The following ZZEF1 variants were observed in gnomAD, a reference collection of about 807,000 sequenced individuals.
ZZEF1 encodes the protein zinc finger ZZ-type and EF-hand domain containing 1.
A neutral mutation model predicts 342.8 loss-of-function variants in ZZEF1; 157 were observed. The observed-to-expected ratio is 0.46, with a 90% CI of 0.40 to 0.52. ZZEF1 has a LOEUF of 0.52. Among genes scored for constraint, ZZEF1 ranks in the 20% least tolerant of loss-of-function variants. The pLI is 0.00. For missense variants in ZZEF1, 3,480 were observed against 3,725.6 expected, an observed-to-expected ratio of 0.93 and a Z score of 1.72; for synonymous variants, 1,505 against 1,429.1, an observed-to-expected ratio of 1.05 and a Z score of -1.20.
chr17:4,092,746 A>G (rs1038750805), intron 11 of ZZEF1, among the ~76,000 whole-genome samples: 18 of 152,140 alleles, frequency 1.2e-4, no homozygotes, highest in African/African-American at 4.3e-4. Flanking sequence ...AGATTTTTTA[A>G]TCTACTCTTT....
intron 1 of ZZEF1, among the ~76,000 whole-genome samples, chr17:4,135,380 G>C (rs1409981515): frequency 6.6e-6 from 1 of 152,082 alleles, no homozygotes; most frequent in African/African-American, 2.4e-5. Flanking sequence ...GGAGGCTGAG[G>C]CAGGAGAATT....
intron 1 of ZZEF1, among the ~76,000 whole-genome samples, chr17:4,125,485 G>C (rs1436469201): frequency 6.6e-6 from 1 of 152,188 alleles, no homozygotes; most frequent in Non-Finnish European, 1.5e-5. Flanking sequence ...GGGCATAAAT[G>C]CAGTAATGGG....
intron 11 of ZZEF1, among the ~76,000 whole-genome samples, chr17:4,092,293 A>G (rs2057960011): frequency 8.1e-6 from 1 of 123,734 alleles, no homozygotes; most frequent in Non-Finnish European, 1.6e-5. Context: ...GAGAGAAAAC[A>G]TGTCCCTTTT....
intron 1 of ZZEF1, among the ~76,000 whole-genome samples, chr17:4,133,383 T>C (rs574246157): frequency 1.3e-5 from 2 of 152,354 alleles, no homozygotes; most frequent in South Asian, 4.1e-4. Context: ...TCAGGGTTCA[T>C]GTTCTTCACC....
At position 4,026,523 on chromosome 17, in the gene ZZEF1, C is replaced by CT. The variant is rs1237651408; in HGVS notation, c.6893-1406dup. Among the ~76,000 whole-genome samples, 125 of 140,148 alleles carry CT rather than the reference C, an allele frequency of 8.9e-4. 1 individual carries two copies. Among genetic ancestry groups the CT allele is most frequent in the South Asian group, 2.0e-3 (9 of 4,402 alleles). The allele number at this position is 140,148 out of a possible 152,430, so 91.9% of individuals were successfully genotyped here. Reference sequence around the variant, plus strand: ...CAATAGACAAACATCTTTTTTTTTTCTTTTTTTTTTTTTTGAGACGGAGTT... The same window carrying CT: ...CAATAGACAAACATCTTTTTTTTTTCTTTTTTTTTTTTTTTGAGACGGAGTT... On this transcript the variant is annotated intron_variant, in intron 42 of 54. Coordinates refer to ENST00000381638, the MANE Select transcript of ZZEF1 (RefSeq NM_015113.4).
intron 6 of ZZEF1, among the ~76,000 whole-genome samples, chr17:4,107,066 C>A (rs117150899): frequency 1.3e-5 from 2 of 152,164 alleles, no homozygotes; most frequent in Non-Finnish European, 2.9e-5. Context: ...AAGTAGCATG[C>A]GATCATTTAC....
At chr17:4,105,107 T>C in intron 7 of ZZEF1, among the ~76,000 whole-genome samples, 1 of 152,250 alleles carries the variant, frequency 6.6e-6, no homozygotes. Context: ...ATGAGCTGGC[T>C]TGACCAGAGA....
At chr17:4,126,488 GA>G (rs2058575603) in intron 1 of ZZEF1, among the ~76,000 whole-genome samples, 1 of 152,192 alleles carries the variant, frequency 6.6e-6, no homozygotes, top group African/African-American at 2.4e-5. Context: ...TGGAAGCTTG[GA>G]AACAGATGGA....
rs748403781 is a variant in ZZEF1, at chr17:4,014,180, G to C, written c.8323C>G (p.Leu2775Val). 3 of 1,614,036 alleles carry C rather than the reference G, an allele frequency of 1.9e-6. No individual in the cohort carries two copies. The South Asian group carries it at 3.3e-5, about 18-fold the overall frequency. Residue 2775 changes from leucine (L) to valine (V), a missense_variant, in exon 51 of 55, where the codon CTG becomes GTG. By Grantham distance (32) the Leu-to-Val change is conservative. Transcript: ENST00000381638. The surrounding 1 kb of genome is among the most constrained non-coding windows in gnomAD (Gnocchi z 4.4). ...ATGTCGGAGGTGAAGCGGTAATACA[G>C]AGTGTCTCCTAGGCACACAAGGATC... ...WKDFELPGDTLYYRFTSDMSN... is the reference protein window; with the variant it reads ...WKDFELPGDTVYYRFTSDMSN...
chr17:4,083,469 T>C (rs1368184256), intron 16 of ZZEF1, among the ~76,000 whole-genome samples: 1 of 152,144 alleles, frequency 6.6e-6, no homozygotes, highest in Admixed American at 6.5e-5. Context: ...ATAGCTGGAA[T>C]TACACAAACA....
intron 9 of ZZEF1, among the ~76,000 whole-genome samples, chr17:4,096,997 C>T (rs1276101696): frequency 6.6e-6 from 1 of 152,078 alleles, no homozygotes; most frequent in African/African-American, 2.4e-5. Context: ...CACAGTGGCT[C>T]ACGTCTGTAA....
intron 1 of ZZEF1, among the ~76,000 whole-genome samples, chr17:4,129,593 C>A (rs771814185): frequency 2.6e-5 from 4 of 152,076 alleles, no homozygotes; most frequent in Non-Finnish European, 5.9e-5. Flanking sequence ...AATCCCAGCA[C>A]TTTGGGAGGC....
At chr17:4,051,659 G>A (rs1182382986) in intron 35 of ZZEF1, among the ~76,000 whole-genome samples, 1 of 151,528 alleles carries the variant, frequency 6.6e-6, no homozygotes, top group Non-Finnish European at 1.5e-5. Context: ...GACCACAGGA[G>A]TTCGCCTCGG....
intron 8 of ZZEF1, among the ~76,000 whole-genome samples, chr17:4,104,173 C>T (rs1422855231): frequency 6.6e-6 from 1 of 152,156 alleles, no homozygotes; most frequent in African/African-American, 2.4e-5. Context: ...TGTCCAAATC[C>T]TTCAGAGCAG....
At chr17:4,111,181 G>C (rs762023689) in intron 5 of ZZEF1, among the ~76,000 whole-genome samples, 2 of 152,084 alleles carry the variant, frequency 1.3e-5, no homozygotes, top group Non-Finnish European at 2.9e-5. Context: ...AAGGTGTGTA[G>C]ATATGTGTGC....
At position 4,142,948 on chromosome 17, in the gene ZZEF1, C is replaced by T; in HGVS notation, c.-53G>A. ...TGCAGCCGCCGCCGCCGCCTCCCCGCCTCGACCTGTCAACCTCCGACAGCA... is the reference window on the plus strand; with the variant it reads ...TGCAGCCGCCGCCGCCGCCTCCCCGTCTCGACCTGTCAACCTCCGACAGCA... On this transcript the variant is annotated 5_prime_UTR_variant, in exon 1 of 55. Transcript: ENST00000381638. 7.7e-7 allele frequency: 1 copy of T among 1,302,006 alleles called. No homozygotes were observed. The highest frequency in any genetic ancestry group is 2.3e-5 in the South Asian group (1 of 42,694). 80.7% of individuals were successfully genotyped at this position (1,302,006 alleles called of 1,614,324 possible). A position where few individuals can be genotyped will look rare whatever the true frequency, so the allele number is the denominator to read the frequency against.
chr17:4,102,399 C>A lies in ZZEF1; in HGVS notation c.1590G>T (p.Leu530Phe). 2 of 1,613,556 alleles carry A rather than the reference C, an allele frequency of 1.2e-6. No individual in the cohort carries two copies. The highest frequency in any genetic ancestry group is 2.2e-5 in the South Asian group (2 of 91,014). Residue 530 changes from leucine (L) to phenylalanine (F), a missense_variant, in exon 9 of 55, where the codon TTG becomes TTT. This residue lies in a region of ZZEF1 where 1,528 missense variants were observed against 1,624.1 expected (regional missense o/e 0.94). Transcript: ENST00000381638. ...CTTTGACATCACATGCCTGAAGAGT[C>A]AACTGGAGAGGTTTACCTGACCAAA... ...LLLKYGKPLQLTLQACDVKGK... is the reference protein window; with the variant it reads ...LLLKYGKPLQFTLQACDVKGK...
chr17:4,097,676 A>G (rs1282318371), intron 9 of ZZEF1, among the ~76,000 whole-genome samples: 3 of 152,156 alleles, frequency 2.0e-5, no homozygotes, highest in Non-Finnish European at 4.4e-5. Context: ...CCTTATGGAT[A>G]CTGACCAACA....
chr17:4,087,296 A>G, intron 14 of ZZEF1, 138 bp downstream of exon 14: 1 of 624,958 alleles, frequency 1.6e-6, no homozygotes, highest in Non-Finnish European at 2.7e-6. Flanking sequence ...TATTTTCAAT[A>G]ATAACCATAT....
Sources: allele counts gnomAD v4.1 joint callset (sites outside exome capture counted in the v4.1 genomes callset), GRCh38; gene constraint gnomAD v4.1.1; regional missense constraint gnomAD v4.1.1; non-coding constraint Gnocchi (gnomAD v3.1); transcripts MANE v1.5; gene names NCBI Gene and HGNC (gene_info 2026-07-23, HGNC 2026-07-21).